Variants in SLC41A2 observed in about 807,000 individuals in gnomAD.
SLC41A2 encodes the protein SLC41A1-like 1.
In SLC41A2, 32 loss-of-function variants were observed where a neutral mutation model predicts 58.3. The ratio of observed to expected loss-of-function variants is 0.55; its 90% confidence interval spans 0.41 to 0.74. The LOEUF is 0.74. Ranked by LOEUF, SLC41A2 falls within the 30% of genes least tolerant of loss-of-function variation. The pLI is 0.00. For missense variants in SLC41A2, 514 were observed against 680.6 expected (o/e 0.76, Z 2.72); for synonymous variants, 190 against 235.0 (o/e 0.81, Z 1.75).
At chr12:104,892,126 C>A (rs1322446430) in intron 4 of SLC41A2, among the ~76,000 whole-genome samples, 1 of 151,562 alleles carries the variant, frequency 6.6e-6, no homozygotes, top group African/African-American at 2.4e-5. Flanking sequence ...ATGGTGAAAC[C>A]CCATCTCTAC....
chr12:104,823,280 T>A (rs1194531887), intron 10 of SLC41A2, among the ~76,000 whole-genome samples: 2 of 152,112 alleles, frequency 1.3e-5, no homozygotes, highest in South Asian at 2.1e-4. Flanking sequence ...ATTTAGTATA[T>A]CTATACCTGT....
At chr12:104,838,991 T>C (rs563155446) in intron 10 of SLC41A2, among the ~76,000 whole-genome samples, 2 of 152,322 alleles carry the variant, frequency 1.3e-5, no homozygotes, top group East Asian at 3.9e-4. Flanking sequence ...AACATTTTGT[T>C]TCTCCCATGT....
chr12:104,932,391 C>T (rs988809612), intron 1 of SLC41A2, among the ~76,000 whole-genome samples: 8 of 151,728 alleles, frequency 5.3e-5, no homozygotes, highest in Non-Finnish European at 7.4e-5. Flanking sequence ...TTTGGGAGGC[C>T]GAGTCAGGAG....
At chr12:104,855,696 A>C (rs1447690124) in intron 8 of SLC41A2, among the ~76,000 whole-genome samples, 1 of 152,216 alleles carries the variant, frequency 6.6e-6, no homozygotes, top group Non-Finnish European at 1.5e-5. Flanking sequence ...TCTTGGCTAC[A>C]ATAACATAGC....
At chr12:104,867,995 T>C (rs932792832) in intron 6 of SLC41A2, among the ~76,000 whole-genome samples, 1 of 151,950 alleles carries the variant, frequency 6.6e-6, no homozygotes, top group Non-Finnish European at 1.5e-5. Flanking sequence ...CAAATTTTAC[T>C]CCTAAGCTTT....
In SLC41A2 at chr12:104,863,832, C is replaced by T. The variant is rs2043302698; in HGVS notation, c.1176-2462G>A. Among the ~76,000 whole-genome samples the T allele has an allele frequency of 2.0e-5, 3 of 152,152 alleles. No homozygotes were observed. The South Asian group carries it at 6.2e-4, about 32-fold the overall frequency. Reference sequence around the variant, plus strand: ...CAGAGTGTATTATTAGATATCCTCACGTACGCTTTTTGCTTTGCCTCATAT... The same window carrying T: ...CAGAGTGTATTATTAGATATCCTCATGTACGCTTTTTGCTTTGCCTCATAT... On this transcript the variant is annotated intron_variant, in intron 7 of 10. Coordinates refer to ENST00000258538, the MANE Select transcript of SLC41A2 (RefSeq NM_001352171.3).
chr12:104,847,629 T>C (rs1592986940), intron 8 of SLC41A2, among the ~76,000 whole-genome samples: 2 of 136,902 alleles, frequency 1.5e-5, no homozygotes, highest in South Asian at 4.5e-4. Flanking sequence ...AAAAGTCAAG[T>C]CCTCAAAATA....
chr12:104,812,150 G>C (rs1421964893), intron 10 of SLC41A2, among the ~76,000 whole-genome samples: 1 of 152,204 alleles, frequency 6.6e-6, no homozygotes, highest in East Asian at 1.9e-4. Flanking sequence ...GAGGAGAGCA[G>C]ATGCTCACAT....
At chr12:104,831,526 A>G (rs1186764667) in intron 10 of SLC41A2, among the ~76,000 whole-genome samples, 2 of 152,166 alleles carry the variant, frequency 1.3e-5, no homozygotes, top group African/African-American at 4.8e-5. Flanking sequence ...ACTGTTTCTA[A>G]GTTTAGATAT....
intron 10 of SLC41A2, among the ~76,000 whole-genome samples, chr12:104,821,439 A>C (rs2041634492): frequency 6.6e-6 from 1 of 152,194 alleles, no homozygotes; most frequent in Non-Finnish European, 1.5e-5. Context: ...AACAATCTAA[A>C]AAGTCCATTA....
At chr12:104,878,882 C>T (rs945054169) in intron 6 of SLC41A2, among the ~76,000 whole-genome samples, 6 of 152,166 alleles carry the variant, frequency 3.9e-5, no homozygotes, top group Non-Finnish European at 8.8e-5. Flanking sequence ...CTTGAGGAAT[C>T]GCCACACTGT....
At chr12:104,827,417 C>T (rs956556695) in intron 10 of SLC41A2, among the ~76,000 whole-genome samples, 1 of 151,944 alleles carries the variant, frequency 6.6e-6, no homozygotes, top group African/African-American at 2.4e-5. Context: ...CCTAGAATTC[C>T]CAGAGTGCAC....
At chr12:104,900,517 C>T (rs2045508625) in intron 3 of SLC41A2, among the ~76,000 whole-genome samples, 2 of 152,112 alleles carry the variant, frequency 1.3e-5, no homozygotes, top group Admixed American at 6.5e-5. Flanking sequence ...TGCAGTTTAT[C>T]GTATGTCAGT....
chr12:104,876,491 TC>T (rs1366735268), intron 6 of SLC41A2, among the ~76,000 whole-genome samples: 1 of 152,174 alleles, frequency 6.6e-6, no homozygotes, highest in African/African-American at 2.4e-5. Flanking sequence ...TTTTTTAATT[TC>T]CTTTTGGATT....
At chr12:104,809,379 C>G (rs2041071362) in intron 10 of SLC41A2, among the ~76,000 whole-genome samples, 1 of 130,348 alleles carries the variant, frequency 7.7e-6, no homozygotes, top group Non-Finnish European at 1.7e-5. Flanking sequence ...GCTCTAACAC[C>G]TTTACCAGGA....
At chr12:104,926,470 C>T (rs552524765) in intron 2 of SLC41A2, among the ~76,000 whole-genome samples, 6 of 152,002 alleles carry the variant, frequency 3.9e-5, no homozygotes, top group Non-Finnish European at 5.9e-5. Flanking sequence ...AGCCTGTGGT[C>T]CCAGCTACTC....
At chr12:104,865,211 A>G (rs978403357) in intron 7 of SLC41A2, among the ~76,000 whole-genome samples, 3 of 152,234 alleles carry the variant, frequency 2.0e-5, no homozygotes, top group African/African-American at 4.8e-5. Context: ...AGCATTATAC[A>G]AAGAAAAGGA....
intron 6 of SLC41A2, among the ~76,000 whole-genome samples, chr12:104,877,663 A>G (rs1429930093): frequency 1.3e-5 from 2 of 152,184 alleles, no homozygotes; most frequent in Non-Finnish European, 2.9e-5. Context: ...ATTATGATTA[A>G]GTCTTTTATA....
chr12:104,903,967 G>C (rs1010263104), intron 3 of SLC41A2, among the ~76,000 whole-genome samples: 1 of 151,996 alleles, frequency 6.6e-6, no homozygotes, highest in Non-Finnish European at 1.5e-5. Flanking sequence ...AAAATACCTA[G>C]TGTAAAATAT....
Sources: allele counts gnomAD v4.1 joint callset (sites outside exome capture counted in the v4.1 genomes callset), GRCh38; gene constraint gnomAD v4.1.1; transcripts MANE v1.5; gene names NCBI Gene and HGNC (gene_info 2026-07-23, HGNC 2026-07-21).